Variants in SIAH3 observed in about 807,000 individuals in gnomAD.
SIAH3 encodes the protein seven in absentia homolog 3.
A neutral mutation model predicts 12.6 loss-of-function variants in SIAH3; 9 were observed. The observed-to-expected ratio is 0.72, with a 90% CI of 0.43 to 1.25. SIAH3 has a LOEUF of 1.25. SIAH3 is among the 50% of genes most tolerant of loss of function. SIAH3 has a pLI of 0.00. For missense variants in SIAH3, 390 were observed against 365.4 expected (o/e 1.07, Z -0.55); for synonymous variants, 154 against 151.1 (o/e 1.02, Z -0.14).
chr13:45,805,907 C>T (rs555132497), intron 1 of SIAH3, among the ~76,000 whole-genome samples: 1 of 152,208 alleles, frequency 6.6e-6, no homozygotes, highest in East Asian at 1.9e-4. Context: ...TAAAAATGGG[C>T]AAAGGACATG....
At chr13:45,833,368 T>C (rs7989578) in intron 1 of SIAH3, among the ~76,000 whole-genome samples, 1,533 of 152,238 alleles carry the variant, frequency 0.01, 39 homozygotes, top group African/African-American at 0.035. Flanking sequence ...GGCTATTGTG[T>C]AGCTGGACCC....
Position 45,783,951 on chromosome 13 carries a change from AGGTGGTGGTGGTGGCGGTGGTGGCAGT to A in SIAH3, c.215_241del (p.His72_His80del), listed in dbSNP as rs780100450. The A allele has an allele frequency of 2.5e-6, 4 of 1,601,382 alleles. No individual in the cohort carries two copies. Among genetic ancestry groups the A allele is most frequent in the South Asian group, 1.1e-5 (1 of 88,998 alleles). On this transcript the variant is annotated inframe_deletion, in exon 2 of 2. Coordinates refer to ENST00000400405, the MANE Select transcript of SIAH3 (RefSeq NM_198849.3). ...GTGGTGGGGGTGGGCGTGGTGGCGG[AGGTGGTGGTGGTGGCGGTGGTGGCAGT>A]GGTGGTGGGAGAGATGGTGAGGGTG...
intron 1 of SIAH3, among the ~76,000 whole-genome samples, chr13:45,839,615 A>G (rs141313489): frequency 1.2e-3 from 184 of 150,416 alleles, no homozygotes; most frequent in African/African-American, 3.6e-3. Context: ...GGTGGATCAC[A>G]AGGTCAGGAG....
At chr13:45,791,166 GA>G (rs57326384) in intron 1 of SIAH3, among the ~76,000 whole-genome samples, 17,437 of 140,932 alleles carry the variant, frequency 0.12, 1,480 homozygotes, top group East Asian at 0.37. Flanking sequence ...CTGTCTCAAA[GA>G]AAAAAAAAAA....
intron 1 of SIAH3, among the ~76,000 whole-genome samples, chr13:45,842,207 A>G (rs1593389216): frequency 6.6e-6 from 1 of 152,320 alleles, no homozygotes; most frequent in Admixed American, 6.5e-5. Flanking sequence ...GGTCACCCAA[A>G]CTTAGGCAAA....
At chr13:45,849,669 C>A (rs564310660) in intron 1 of SIAH3, among the ~76,000 whole-genome samples, 1 of 152,120 alleles carries the variant, frequency 6.6e-6, no homozygotes, top group Non-Finnish European at 1.5e-5. Context: ...GGCAGCAAGA[C>A]GACTTGTCAA....
chr13:45,830,123 C>A (rs1312313131), intron 1 of SIAH3, among the ~76,000 whole-genome samples: 1 of 152,048 alleles, frequency 6.6e-6, no homozygotes, highest in Non-Finnish European at 1.5e-5. Context: ...TTAGAGGGCT[C>A]GGACTCCTTG....
intron 1 of SIAH3, among the ~76,000 whole-genome samples, chr13:45,814,639 A>T (rs1405567621): frequency 6.6e-6 from 1 of 152,092 alleles, no homozygotes; most frequent in Middle Eastern, 3.2e-3. Flanking sequence ...CACTGCTCAG[A>T]TCTTTCTGGG....
chr13:45,783,287 AAGG>A lies in SIAH3; in HGVS notation c.*93_*95del. 13 of 795,820 alleles carry A rather than the reference AAGG, an allele frequency of 1.6e-5. No homozygotes were observed. The highest frequency in any genetic ancestry group is 2.2e-5 in the Non-Finnish European group (12 of 552,008). The allele number at this position is 795,820 out of a possible 1,614,324, so 49.3% of individuals were successfully genotyped here. On this transcript the variant is annotated 3_prime_UTR_variant, in exon 2 of 2. Transcript: ENST00000400405. Reference sequence around the variant, plus strand: ...TTAAAAATTAAAAAAAAAAAAAAGAAAGGAGAAGAATAAAAAGGAGTCTGGAGT... The same window carrying A: ...TTAAAAATTAAAAAAAAAAAAAAGAAAGAAGAATAAAAAGGAGTCTGGAGT...
intron 1 of SIAH3, among the ~76,000 whole-genome samples, chr13:45,836,803 T>C (rs1252059746): frequency 6.6e-6 from 1 of 152,204 alleles, no homozygotes; most frequent in Non-Finnish European, 1.5e-5. Context: ...CCTGCCTCAG[T>C]CAGTAACCTT....
At chr13:45,832,229 T>C (rs1950701885) in intron 1 of SIAH3, among the ~76,000 whole-genome samples, 1 of 152,264 alleles carries the variant, frequency 6.6e-6, no homozygotes, top group Non-Finnish European at 1.5e-5. Flanking sequence ...TTTAGCCATG[T>C]GTAAGCGTAC....
At chr13:45,814,083 G>A (rs1304873113) in intron 1 of SIAH3, among the ~76,000 whole-genome samples, 2 of 151,456 alleles carry the variant, frequency 1.3e-5, no homozygotes, top group African/African-American at 2.4e-5. Flanking sequence ...CTAAAAATAC[G>A]AAAAAATTAG....
At chr13:45,827,932 T>C (rs1566095245) in intron 1 of SIAH3, among the ~76,000 whole-genome samples, 1 of 152,170 alleles carries the variant, frequency 6.6e-6, no homozygotes, top group Non-Finnish European at 1.5e-5. Flanking sequence ...GTTCCAACAG[T>C]GCCCCAATTT....
intron 1 of SIAH3, among the ~76,000 whole-genome samples, chr13:45,800,066 C>A (rs1950576267): frequency 6.6e-6 from 1 of 152,138 alleles, no homozygotes; most frequent in Non-Finnish European, 1.5e-5. Flanking sequence ...CATGTATTCT[C>A]ATCACAAAAT....
intron 1 of SIAH3, among the ~76,000 whole-genome samples, chr13:45,812,943 G>A (rs541101854): frequency 1.3e-5 from 2 of 152,390 alleles, no homozygotes; most frequent in African/African-American, 2.4e-5. Flanking sequence ...ATGTGAGGCC[G>A]TGTCTTCCCA....
intron 1 of SIAH3, among the ~76,000 whole-genome samples, chr13:45,827,790 C>T (rs1950684159): frequency 1.3e-5 from 2 of 152,178 alleles, no homozygotes; most frequent in South Asian, 4.1e-4. Context: ...CCTTCCAGGC[C>T]CCTGCCACCT....
rs768155473 is a variant in SIAH3, at chr13:45,783,590, A to G, written c.603T>C (p.Tyr201=). 3 of 1,614,044 alleles carry G rather than the reference A, an allele frequency of 1.9e-6. No homozygotes were observed. Among genetic ancestry groups the G allele is most frequent in the Non-Finnish European group, 1.7e-6 (2 of 1,180,036 alleles). The change falls in exon 2 of 2, where the codon TAT becomes TAC. Residue 201 remains tyrosine (Y), a synonymous_variant. Coordinates refer to ENST00000400405, the MANE Select transcript of SIAH3 (RefSeq NM_198849.3). ...GTPTQADCFT[Y]RLELNRNHRR... is the part of the protein sequence containing the mutation. ...GATGGTTTCTGTTGAGCTCCAGGCG[A>G]TAGGTGAAGCAGTCGGCCTGGGTGG...
chr13:45,834,610 G>A (rs113605861), intron 1 of SIAH3, among the ~76,000 whole-genome samples: 3 of 152,274 alleles, frequency 2.0e-5, no homozygotes, highest in Non-Finnish European at 2.9e-5. Context: ...AGGCTGTCCC[G>A]TTGGGCTTCC....
chr13:45,824,340 G>A (rs192495674), intron 1 of SIAH3, among the ~76,000 whole-genome samples: 30 of 152,316 alleles, frequency 2.0e-4, no homozygotes, highest in South Asian at 6.2e-4. Context: ...TAGATTGAAT[G>A]TAGTCAGGCC....
Sources: gnomAD v4.1 joint callset for allele counts (sites outside exome capture counted in the v4.1 genomes callset) on GRCh38, gnomAD v4.1.1 for gene constraint, MANE v1.5 for transcripts, NCBI Gene and HGNC (gene_info 2026-07-23, HGNC 2026-07-21) for gene names.